Variants in GABRR2 observed in about 807,000 individuals in gnomAD.
GABRR2 encodes gamma-aminobutyric acid receptor subunit rho-2.
GABRR2 carries 36 observed loss-of-function variants against 47.0 expected under a neutral mutation model. The observed-to-expected ratio is 0.77, with a 90% CI of 0.59 to 1.01. The LOEUF is 1.01. Among genes scored for constraint, GABRR2 ranks in the 50% least tolerant of loss-of-function variants. The probability of loss-of-function intolerance (pLI) is 0.00; values close to 1 mark genes in which losing one functional copy is unlikely to be tolerated. For synonymous variants in GABRR2, 204 were observed against 227.5 expected (o/e 0.90, Z 0.93); for missense variants, 587 against 594.6 (o/e 0.99, Z 0.13).
Position 89,300,745 on chromosome 6 carries a change from C to CAAAAAAAAAAAAAAAA in GABRR2, c.114-896_114-881dup, listed in dbSNP as rs56360515. ...AATCAATAATAAATAGCGTACCAAC[C>CAAAAAAAAAAAAAAAA]AAAAAAAAAAAAAAAAAAAAAGGCC... On this transcript the variant is annotated intron_variant, in intron 1 of 8. Transcript: ENST00000402938. Among the ~76,000 whole-genome samples, 3 of 76,388 alleles carry CAAAAAAAAAAAAAAAA rather than the reference C, an allele frequency of 3.9e-5. 1 individual carries two copies. The highest frequency in any genetic ancestry group is 4.7e-5 in the Non-Finnish European group (2 of 42,886). The allele number at this position is 76,388 out of a possible 152,430, so 50.1% of individuals were successfully genotyped here.
intron 2 of GABRR2, among the ~76,000 whole-genome samples, chr6:89,278,328 A>G (rs539436952): frequency 6.6e-6 from 1 of 152,306 alleles, no homozygotes; most frequent in South Asian, 2.1e-4. Flanking sequence ...GGGAATAGAA[A>G]TATTATTTTT....
intron 2 of GABRR2, among the ~76,000 whole-genome samples, chr6:89,297,325 T>C (rs908634602): frequency 6.6e-6 from 1 of 152,190 alleles, no homozygotes; most frequent in Non-Finnish European, 1.5e-5. Flanking sequence ...CTAATGAATA[T>C]GTCAGCTCTG....
intron 3 of GABRR2, 27 bp downstream of exon 3, chr6:89,271,628 G>T (rs778044729): frequency 7.5e-6 from 12 of 1,596,870 alleles, no homozygotes; most frequent in African/African-American, 1.3e-5. Flanking sequence ...AGGCTCTCAC[G>T]CTGTGTCACT....
At chr6:89,274,657 A>G (rs914791431) in intron 2 of GABRR2, among the ~76,000 whole-genome samples, 2 of 152,050 alleles carry the variant, frequency 1.3e-5, no homozygotes, top group Admixed American at 6.5e-5. Context: ...ATCTGAACCT[A>G]GGAGTTCAAG....
chr6:89,280,334 GA>G (rs1340276261), intron 2 of GABRR2, among the ~76,000 whole-genome samples: 1 of 149,506 alleles, frequency 6.7e-6, no homozygotes, highest in Non-Finnish European at 1.5e-5. Context: ...CACTTACCTA[GA>G]GGACAGAGCC....
intron 7 of GABRR2, 105 bp from the exon 8 acceptor site, chr6:89,264,713 A>C (rs1044933161): frequency 1.4e-6 from 2 of 1,404,296 alleles, no homozygotes; most frequent in Non-Finnish European, 2.0e-6. Context: ...CCACATGAGA[A>C]AGTCCCAGGT....
intron 2 of GABRR2, among the ~76,000 whole-genome samples, chr6:89,280,250 A>G (rs1774235966): frequency 7.1e-6 from 1 of 140,558 alleles, no homozygotes; most frequent in Non-Finnish European, 1.5e-5. Flanking sequence ...ATATATATAT[A>G]TATACATACA....
intron 1 of GABRR2, chr6:89,302,911 C>A: frequency 8.6e-7 from 1 of 1,165,242 alleles, no homozygotes; most frequent in Non-Finnish European, 1.2e-6. Flanking sequence ...CATCTCAGAG[C>A]AGTTCACGGA....
At chr6:89,276,929 G>A (rs1411431942) in intron 2 of GABRR2, among the ~76,000 whole-genome samples, 1 of 152,152 alleles carries the variant, frequency 6.6e-6, no homozygotes, top group Non-Finnish European at 1.5e-5. Context: ...GAAACTATCT[G>A]AAGTCCTCCA....
intron 4 of GABRR2, among the ~76,000 whole-genome samples, chr6:89,268,805 C>T (rs1468949754): frequency 6.6e-6 from 1 of 152,052 alleles, no homozygotes; most frequent in Non-Finnish European, 1.5e-5. Context: ...GTCTTCTCAC[C>T]CAAGCTTAAG....
At chr6:89,303,942 ACAAATATC>A (rs1230875188) in intron 1 of GABRR2, among the ~76,000 whole-genome samples, 1 of 152,264 alleles carries the variant, frequency 6.6e-6, no homozygotes, top group Non-Finnish European at 1.5e-5. Context: ...TACACCATAT[ACAAATATC>A]AACTCAAGAT....
rs1012039389 is a variant in GABRR2, at chr6:89,257,455, C to T, written c.*215G>A. 1.7e-5 allele frequency: 10 copies of T among 572,196 alleles called. No individual in the cohort carries two copies. Among genetic ancestry groups the T allele is most frequent in the East Asian group, 5.7e-5 (2 of 34,836 alleles). The allele number at this position is 572,196 out of a possible 1,614,324, so 35.4% of individuals were successfully genotyped here. ...GGTCCCAGAGAGATGTGAAGTGTGA[C>T]GCGAGACAGCATGAACATGGAGCAG... is the stretch of plus-strand genomic sequence containing the variant. On this transcript the variant is annotated 3_prime_UTR_variant, in exon 9 of 9. Transcript: ENST00000402938.
intron 1 of GABRR2, among the ~76,000 whole-genome samples, chr6:89,312,737 G>GT (rs1767700686): frequency 6.6e-6 from 1 of 152,242 alleles, no homozygotes; most frequent in Admixed American, 6.5e-5. Flanking sequence ...CCTGTTGACT[G>GT]TCTGACTGTG....
intron 2 of GABRR2, among the ~76,000 whole-genome samples, chr6:89,278,223 T>C (rs1234667060): frequency 6.6e-6 from 1 of 152,120 alleles, no homozygotes; most frequent in Admixed American, 6.5e-5. Flanking sequence ...GGGTTGAAGA[T>C]TATGTATGTT....
At chr6:89,267,871 G>C (rs1773940825) in intron 5 of GABRR2, 52 bp from the exon 6 acceptor site, 1 of 1,601,880 alleles carries the variant, frequency 6.2e-7, no homozygotes. Context: ...CTGATGCAGG[G>C]TGAAGTAACA....
rs773515281 is a variant in GABRR2 at position 89,257,755 on chromosome 6, G to C, written c.1313C>G (p.Thr438Ser). The C allele has an allele frequency of 1.2e-6, 2 of 1,613,878 alleles. No individual in the cohort carries two copies. The highest frequency in any genetic ancestry group is 4.5e-5 in the East Asian group (2 of 44,900). Residue 438 changes from threonine to serine, a missense_variant, in exon 9 of 9, where the codon ACC (threonine) becomes AGC (serine). Thr to Ser is a moderately conservative substitution (Grantham distance 58). Transcript: ENST00000402938. ...CCTAGAGTATTTGTCAATGGCATGG[G>C]TATTCTGGAAGATACGAAAACCCGT... ...GQTGFRIFQN[T>S]HAIDKYSRLI...
chr6:89,280,253 T>TATATAC lies in GABRR2; in HGVS notation c.221-8532_221-8531insGTATAT, dbSNP rs1242640059. Among the ~76,000 whole-genome samples the TATATAC allele has an allele frequency of 4.9e-3, 607 of 124,422 alleles. 7 individuals carry two copies. The highest frequency in any genetic ancestry group is 0.016 in the African/African-American group (516 of 31,306). The allele number at this position is 124,422 out of a possible 152,430, so 81.6% of individuals were successfully genotyped here. A position where few individuals can be genotyped will look rare whatever the true frequency, so the allele number is the denominator to read the frequency against. ...ATATATATATATATATATATATATA[T>TATATAC]ACATACATATACATATACACATACA... On this transcript the variant is annotated intron_variant, in intron 2 of 8. Transcript: ENST00000402938.
chr6:89,284,385 G>T (rs1045839696), intron 2 of GABRR2, among the ~76,000 whole-genome samples: 1 of 152,220 alleles, frequency 6.6e-6, no homozygotes, highest in Non-Finnish European at 1.5e-5. Context: ...GGGGATGTGT[G>T]TGGTTGGATG....
chr6:89,301,684 C>A, intron 1 of GABRR2: 1 of 576,362 alleles, frequency 1.7e-6, no homozygotes, highest in East Asian at 3.1e-5. Context: ...AAGATCTCTA[C>A]AATGAGAATT....
Sources: gnomAD v4.1 joint callset for allele counts (sites outside exome capture counted in the v4.1 genomes callset) on GRCh38, gnomAD v4.1.1 for gene constraint, MANE v1.5 for transcripts, NCBI Gene and HGNC (gene_info 2026-07-23, HGNC 2026-07-21) for gene names.